ANKRD36C: variants seen among roughly 807,000 people sequenced by gnomAD.
The protein encoded by ANKRD36C is ankyrin repeat domain 36C.
Under a neutral mutation model 276.4 loss-of-function variants are expected in ANKRD36C, and 61 were observed. The ratio of observed to expected loss-of-function variants is 0.22; its 90% confidence interval spans 0.18 to 0.27. The LOEUF (loss-of-function observed/expected upper bound fraction) is 0.27, where lower values mean the gene tolerates loss of function less well. Ranked by LOEUF, ANKRD36C falls within the 10% of genes least tolerant of loss-of-function variation. ANKRD36C has a pLI of 1.00. For missense variants in ANKRD36C, 1,447 were observed against 2,032.3 expected (o/e 0.71, Z 5.54); for synonymous variants, 483 against 680.1 (o/e 0.71, Z 4.51).
chr2:95,853,459 A>C (rs1675336591), intron 64 of ANKRD36C: 1 of 266,448 alleles, frequency 3.8e-6, no homozygotes, highest in African/African-American at 2.3e-5. Flanking sequence ...ATTTAAGAAA[A>C]AAATATATGT....
At chr2:95,974,007 C>A (rs2104525633) in intron 6 of ANKRD36C, among the ~76,000 whole-genome samples, 1 of 150,508 alleles carries the variant, frequency 6.6e-6, no homozygotes, top group East Asian at 2.0e-4. Context: ...GCTATGATCA[C>A]ACTATTGTGC....
intron 13 of ANKRD36C, among the ~76,000 whole-genome samples, chr2:95,955,665 T>C (rs1043681433): frequency 2.6e-5 from 4 of 152,092 alleles, no homozygotes; most frequent in African/African-American, 7.2e-5. Flanking sequence ...AATCACTCAA[T>C]GACAGAATGA....
chr2:95,853,397 C>G (rs959080206), intron 64 of ANKRD36C: 23 of 207,356 alleles, frequency 1.1e-4, no homozygotes, highest in African/African-American at 5.2e-4. Flanking sequence ...AAAAAACTCT[C>G]TCAATTTCTG....
chr2:95,909,752 C>G (rs533832768), intron 42 of ANKRD36C, among the ~76,000 whole-genome samples: 3 of 150,940 alleles, frequency 2.0e-5, no homozygotes, highest in East Asian at 2.0e-4. Flanking sequence ...TATGCCAATT[C>G]TAGGATTGTT....
chr2:95,944,804 G>A lies in ANKRD36C; in HGVS notation c.1424-110C>T, dbSNP rs11897663. 130 of 752,240 alleles carry A rather than the reference G, an allele frequency of 1.7e-4. 2 individuals carry two copies. The highest frequency in any genetic ancestry group is 9.3e-4 in the East Asian group (30 of 32,304). The allele number at this position is 752,240 out of a possible 1,614,324, so 46.6% of individuals were successfully genotyped here. On this transcript the variant is annotated intron_variant, in intron 18 of 66. Coordinates refer to ENST00000456556, the Ensembl canonical transcript of ANKRD36C. ...TTTAATCCCAGCAGTTTGGGGGGCC[G>A]ATGCAGGCAGATCATATGAGGTCAG...
intron 19 of ANKRD36C, among the ~76,000 whole-genome samples, chr2:95,943,328 A>T (rs2438951): frequency 0.13 from 10,138 of 80,066 alleles, 304 homozygotes; most frequent in East Asian, 0.28. Context: ...CTAAAAATAT[A>T]AAAAAAATTA....
At chr2:95,957,102 G>A (rs1048508723) in intron 12 of ANKRD36C, among the ~76,000 whole-genome samples, 1 of 152,050 alleles carries the variant, frequency 6.6e-6, no homozygotes, top group Non-Finnish European at 1.5e-5. Flanking sequence ...GATAACTTGA[G>A]GTCAGGAGTT....
At chr2:95,967,321 G>C (rs1678611930) in intron 6 of ANKRD36C, among the ~76,000 whole-genome samples, 2 of 152,176 alleles carry the variant, frequency 1.3e-5, no homozygotes, top group South Asian at 4.1e-4. Flanking sequence ...TCAAAAAGTG[G>C]GCAAAGGATA....
intron 61 of ANKRD36C, among the ~76,000 whole-genome samples, chr2:95,858,420 G>A (rs1029019945): frequency 2.0e-5 from 3 of 152,120 alleles, no homozygotes; most frequent in Non-Finnish European, 4.4e-5. Flanking sequence ...AAGTTGAAAT[G>A]TATTGATAAA....
At chr2:95,913,906 G>C (rs1160097718) in intron 40 of ANKRD36C, among the ~76,000 whole-genome samples, 1 of 151,420 alleles carries the variant, frequency 6.6e-6, no homozygotes, top group Admixed American at 6.6e-5. Flanking sequence ...TTTCAATGTG[G>C]GGAAATGTAT....
At chr2:95,902,714 T>C (rs529221317) in intron 42 of ANKRD36C, among the ~76,000 whole-genome samples, 172 bp downstream of exon 54, 37 of 150,496 alleles carry the variant, frequency 2.5e-4, no homozygotes, top group East Asian at 9.9e-4. Flanking sequence ...GCGAAGATCA[T>C]GTTCCAGACC....
At chr2:95,977,487 G>A (rs1280496633) in intron 6 of ANKRD36C, among the ~76,000 whole-genome samples, 2 of 151,998 alleles carry the variant, frequency 1.3e-5, no homozygotes, top group South Asian at 2.1e-4. Context: ...ATTTTAAAAT[G>A]AGTAAATGGA....
intron 24 of ANKRD36C, among the ~76,000 whole-genome samples, chr2:95,933,712 T>A (rs80139072): frequency 1.0e-4 from 1 of 9,538 alleles, no homozygotes; most frequent in African/African-American, 5.3e-4. Context: ...ACAATCATGT[T>A]ATCTGCAGAG....
chr2:95,966,680 G>GT, intron 6 of ANKRD36C, among the ~76,000 whole-genome samples: 1 of 152,092 alleles, frequency 6.6e-6, no homozygotes, highest in Non-Finnish European at 1.5e-5. Flanking sequence ...ATTTAAAGTA[G>GT]TTTTTTCTAA....
intron 3 of ANKRD36C, 80 bp from the exon 4 acceptor site, chr2:95,982,442 T>C (rs1678942028): frequency 8.2e-7 from 1 of 1,213,292 alleles, no homozygotes; most frequent in Non-Finnish European, 1.2e-6. Flanking sequence ...TAAGATCCTG[T>C]GAGCTTCAAT....
intron 17 of ANKRD36C, among the ~76,000 whole-genome samples, chr2:95,946,027 GTAAA>G (rs1678037399): frequency 6.6e-6 from 1 of 152,122 alleles, no homozygotes; most frequent in Admixed American, 6.5e-5. Flanking sequence ...TTTGTTTTGT[GTAAA>G]TACTTATGTA....
Position 95,897,422 on chromosome 2 carries a change from T to A in ANKRD36C, c.2755+1723A>T. On this transcript the variant is annotated intron_variant, in intron 44 of 66. Coordinates refer to ENST00000456556, the Ensembl canonical transcript of ANKRD36C. ...TACATTTACTAGTTCACAATATAAA[T>A]GACAGTTTCATTACCTTCAAGCCTG... The A allele has an allele frequency of 1.3e-6, 2 of 1,542,694 alleles. No homozygotes were observed. The highest frequency in any genetic ancestry group is 1.9e-5 in the Admixed American group (1 of 51,342).
At chr2:95,913,661 T>C (rs1378758091) in intron 40 of ANKRD36C, among the ~76,000 whole-genome samples, 12 of 151,406 alleles carry the variant, frequency 7.9e-5, no homozygotes, top group African/African-American at 1.5e-4. Flanking sequence ...CAATCCGTCT[T>C]CCTTAGGAAA....
chr2:95,953,020 C>A (rs1291670351), intron 14 of ANKRD36C, among the ~76,000 whole-genome samples: 2 of 152,188 alleles, frequency 1.3e-5, no homozygotes, highest in Non-Finnish European at 2.9e-5. Flanking sequence ...TGAGTGGATT[C>A]TTTTTAATTA....
Sources: allele counts gnomAD v4.1 joint callset (sites outside exome capture counted in the v4.1 genomes callset), GRCh38; gene constraint gnomAD v4.1.1; transcripts MANE v1.5; gene names NCBI Gene and HGNC (gene_info 2026-07-23, HGNC 2026-07-21).